The following PTPN13 variants were observed in gnomAD, a reference collection of about 807,000 sequenced individuals.
The protein encoded by PTPN13 is protein tyrosine phosphatase non-receptor type 13, also known as tyrosine-protein phosphatase non-receptor type 13.
A neutral mutation model predicts 284.0 loss-of-function variants in PTPN13; 191 were observed. The ratio of observed to expected loss-of-function variants is 0.67; its 90% CI spans 0.60 to 0.76. The LOEUF is 0.76. PTPN13 is among the 30% of genes least tolerant of loss of function. The probability of loss-of-function intolerance (pLI) is 0.00; values close to 1 mark genes in which losing one functional copy is unlikely to be tolerated. For synonymous variants in PTPN13, 986 were observed against 1,022.3 expected, an observed-to-expected ratio of 0.96 and a Z score of 0.68; for missense variants, 2,797 against 2,939.9, an observed-to-expected ratio of 0.95 and a Z score of 1.12.
rs138792685 is a variant in PTPN13 at position 86,729,908 on chromosome 4, G to C, written c.1609-2492G>C. 6.6e-3 allele frequency among the ~76,000 whole-genome samples: 995 copies of C among 149,816 alleles called. 55 individuals carry two copies. Among genetic ancestry groups the C allele is most frequent in the African/African-American group, 0.022 (889 of 41,126 alleles). On this transcript the variant is annotated intron_variant, in intron 10 of 47. Coordinates refer to ENST00000411767, the MANE Select transcript of PTPN13 (RefSeq NM_080683.3). ...GCTGGTGAGGAGCTGCAGTCCTTTG[G>C]AGGAGAAGAAGCACTCTGGTTTTTA...
At chr4:86,767,548 TATC>T (rs1325785740) in intron 27 of PTPN13, among the ~76,000 whole-genome samples, 3 of 152,086 alleles carry the variant, frequency 2.0e-5, no homozygotes, top group African/African-American at 7.2e-5. Context: ...ACCTGGCCAT[TATC>T]ATACATTTCT....
chr4:86,620,361 C>T (rs1721077009), intron 1 of PTPN13, among the ~76,000 whole-genome samples: 1 of 152,128 alleles, frequency 6.6e-6, no homozygotes, highest in Non-Finnish European at 1.5e-5. Context: ...GATGGGGTTT[C>T]ACCATGTTGT....
intron 7 of PTPN13, among the ~76,000 whole-genome samples, chr4:86,705,075 C>T (rs888009308): frequency 6.6e-6 from 1 of 152,086 alleles, no homozygotes; most frequent in Non-Finnish European, 1.5e-5. Flanking sequence ...GTGGCTGATG[C>T]CTGTAATCCC....
At chr4:86,638,692 AG>A in intron 2 of PTPN13, among the ~76,000 whole-genome samples, 1 of 152,330 alleles carries the variant, frequency 6.6e-6, no homozygotes, top group Non-Finnish European at 1.5e-5. Context: ...GATGGATTAA[AG>A]ATTTAAACGT....
chr4:86,759,542 TC>T (rs1738419183), intron 23 of PTPN13, among the ~76,000 whole-genome samples: 1 of 152,218 alleles, frequency 6.6e-6, no homozygotes, highest in African/African-American at 2.4e-5. Flanking sequence ...CCCTGCTTTG[TC>T]TGCCTTGCAC....
chr4:86,785,383 T>A lies in PTPN13; in HGVS notation c.6256+15T>A. 1 of 1,604,428 alleles carries A rather than the reference T, an allele frequency of 6.2e-7. No individual in the cohort carries two copies. Among genetic ancestry groups the A allele is most frequent in the Non-Finnish European group, 8.5e-7 (1 of 1,176,064 alleles). ...CTGTGGTCCAGGTACGTGAACCAGA[T>A]GAATAAATTGGTATACTATGGAGTA... On this transcript the variant is annotated intron_variant, in intron 39 of 47. Transcript: ENST00000411767.
chr4:86,799,796 G>T (rs980928268), intron 42 of PTPN13, among the ~76,000 whole-genome samples: 1 of 142,706 alleles, frequency 7.0e-6, no homozygotes, highest in African/African-American at 2.6e-5. Context: ...TCATAATTTT[G>T]CCATTCTGGA....
rs972521141 is a variant in PTPN13 at position 86,726,490 on chromosome 4, G to A, written c.1608+4056G>A. 1.3e-4 allele frequency among the ~76,000 whole-genome samples: 19 copies of A among 148,658 alleles called. 3 individuals are homozygous for A. The highest frequency in any genetic ancestry group is 2.7e-4 in the Non-Finnish European group (18 of 66,298). The stretch of plus-strand genomic sequence containing the variant: ...TCCATTTGTGTGTGTCTTTTATTTC[G>A]TTGAACAGTGGTTTGTAGTTCTGCT... On this transcript the variant is annotated intron_variant, in intron 10 of 47. Transcript: ENST00000411767.
intron 46 of PTPN13, among the ~76,000 whole-genome samples, chr4:86,810,461 T>C (rs1276263305): frequency 6.6e-6 from 1 of 152,038 alleles, no homozygotes; most frequent in African/African-American, 2.4e-5. Flanking sequence ...CATAAAAAAA[T>C]TACTATAAGA....
chr4:86,683,529 G>C (rs1229718012), intron 3 of PTPN13, among the ~76,000 whole-genome samples: 1 of 152,102 alleles, frequency 6.6e-6, no homozygotes, highest in Non-Finnish European at 1.5e-5. Flanking sequence ...ATGATAGGGA[G>C]GGCAGTCTGC....
chr4:86,653,755 T>C (rs533679307), intron 2 of PTPN13, among the ~76,000 whole-genome samples: 43 of 152,272 alleles, frequency 2.8e-4, no homozygotes, highest in Middle Eastern at 6.8e-3. Flanking sequence ...ATTTGTATTA[T>C]TTTTTAAAAA....
In PTPN13 at chr4:86,771,267, G is replaced by A. The variant is rs750041752; in HGVS notation, c.4900G>A (p.Glu1634Lys). 3 of 1,607,878 alleles carry A rather than the reference G, an allele frequency of 1.9e-6. No homozygotes were observed. In the South Asian group the frequency reaches 3.4e-5, roughly 18 times the overall value. The stretch of plus-strand genomic sequence containing the variant: ...GCAAAGCACCAGCTCAGATGAAAAT[G>A]AAATGTCAGACAAAAGCAAAAAACA... ...VEQSTSSDENEMSDKSKKQCK... is the reference protein window; with the variant it reads ...VEQSTSSDENKMSDKSKKQCK... Residue 1634 changes from glutamate (E) to lysine (K), a missense_variant, in exon 31 of 48, where the codon GAA (glutamate) becomes AAA (lysine). Coordinates refer to ENST00000411767, the MANE Select transcript of PTPN13 (RefSeq NM_080683.3).
intron 37 of PTPN13, among the ~76,000 whole-genome samples, chr4:86,784,164 A>G (rs1192956611): frequency 6.6e-6 from 1 of 152,126 alleles, no homozygotes; most frequent in Non-Finnish European, 1.5e-5. Flanking sequence ...GTACTACATA[A>G]TAGAGTTATC....
rs770048501 is a variant in PTPN13, at chr4:86,807,706, T to C, written c.6892T>C (p.Trp2298Arg). The C allele has an allele frequency of 1.1e-5, 18 of 1,614,008 alleles. No homozygotes were observed. The highest frequency in any genetic ancestry group is 1.5e-5 in the Non-Finnish European group (18 of 1,179,888). ...TTVGDFWQMI[W>R]EQKSTVIAMM... ...TGTTGGAGACTTCTGGCAGATGATT[T>C]GGGAGCAAAAATCCACAGTGATAGC... The change falls in exon 45 of 48, where the codon TGG becomes CGG. Residue 2298 changes from tryptophan (W) to arginine (R), a missense_variant. By Grantham distance (101) the Trp-to-Arg change is moderately radical. Coordinates refer to ENST00000411767, the MANE Select transcript of PTPN13 (RefSeq NM_080683.3).
At chr4:86,625,385 T>A (rs1721714610) in intron 1 of PTPN13, among the ~76,000 whole-genome samples, 1 of 152,044 alleles carries the variant, frequency 6.6e-6, no homozygotes, top group Non-Finnish European at 1.5e-5. Flanking sequence ...ACTTACACCC[T>A]CCTCCCTCAT....
intron 31 of PTPN13, among the ~76,000 whole-genome samples, chr4:86,772,429 T>C (rs1282752204): frequency 6.6e-6 from 1 of 151,946 alleles, no homozygotes; most frequent in Non-Finnish European, 1.5e-5. Flanking sequence ...TGGCACACAC[T>C]TGTAATCCCA....
intron 1 of PTPN13, among the ~76,000 whole-genome samples, chr4:86,630,366 T>A (rs1722339841): frequency 1.3e-5 from 2 of 152,324 alleles, no homozygotes; most frequent in Admixed American, 1.3e-4. Context: ...TGGCATTTTG[T>A]ATGTTTTAAA....
chr4:86,765,493 A>T lies in PTPN13; in HGVS notation c.4243+5A>T. The T allele has an allele frequency of 6.4e-7, 1 of 1,560,758 alleles. No individual in the cohort carries two copies. ...CTGATGGTAGAATTCACAAAGGTATAGTGTTTATATTATGTGGGAATTATA... is the reference window on the plus strand; with the variant it reads ...CTGATGGTAGAATTCACAAAGGTATTGTGTTTATATTATGTGGGAATTATA... On this transcript the variant is annotated splice_donor_5th_base_variant and intron_variant, in intron 26 of 47. Coordinates refer to ENST00000411767, the MANE Select transcript of PTPN13 (RefSeq NM_080683.3).
chr4:86,732,376 T>G, intron 10 of PTPN13, 24 bp from the exon 11 acceptor site: 1 of 1,512,032 alleles, frequency 6.6e-7, no homozygotes, highest in Non-Finnish European at 8.9e-7. Context: ...TAAAAAATAT[T>G]GATTCTGCTT....
Sources: gnomAD v4.1 joint callset for allele counts (sites outside exome capture counted in the v4.1 genomes callset) on GRCh38, gnomAD v4.1.1 for gene constraint, MANE v1.5 for transcripts, NCBI Gene and HGNC (gene_info 2026-07-23, HGNC 2026-07-21) for gene names.